The following TLN2 variants were observed in gnomAD, a reference collection of about 807,000 sequenced individuals.
TLN2 encodes talin-2.
TLN2 carries 118 observed loss-of-function variants against 294.7 expected under a neutral mutation model. The ratio of observed to expected loss-of-function variants is 0.40; its 90% confidence interval spans 0.34 to 0.47. The LOEUF is 0.47. Ranked by LOEUF, TLN2 falls within the 20% of genes least tolerant of loss-of-function variation. The pLI, the probability that TLN2 is intolerant of heterozygous loss-of-function variation, is 0.84. For synonymous variants in TLN2, 1,431 were observed against 1,304.5 expected, an observed-to-expected ratio of 1.10 and a Z score of -2.09; for missense variants, 3,083 against 3,282.2, an observed-to-expected ratio of 0.94 and a Z score of 1.48.
rs747751029 is a variant in TLN2 at position 62,762,344 on chromosome 15, A to G, written c.4852A>G (p.Thr1618Ala). 4.7e-5 allele frequency: 76 copies of G among 1,613,998 alleles called. No homozygotes were observed. In the South Asian group the frequency reaches 8.2e-4, roughly 17 times the overall value. ...MLESSSYLIR[T>A]ARSLAINPKD... is the part of the protein sequence containing the mutation. ...GGAGAGTTCATCGTACCTCATTCGCACTGCACGCTCTCTGGCCATCAACCC... is the reference window on the plus strand; with the variant it reads ...GGAGAGTTCATCGTACCTCATTCGCGCTGCACGCTCTCTGGCCATCAACCC... Residue 1618 changes from threonine to alanine, a missense_variant, in exon 39 of 59, where the codon ACT becomes GCT. Transcript: ENST00000636159.
intron 9 of TLN2, chr15:62,658,112 G>A: frequency 2.7e-6 from 1 of 374,254 alleles, no homozygotes; most frequent in South Asian, 4.2e-5. Flanking sequence ...GAAATTCAGT[G>A]ATCTGTGTCC....
At chr15:62,450,575 CTGTGTGTG>C (rs1014388992) in intron 1 of TLN2, among the ~76,000 whole-genome samples, 7 of 98,020 alleles carry the variant, frequency 7.1e-5, no homozygotes, top group African/African-American at 2.4e-4. Flanking sequence ...GTGTGTGTGT[CTGTGTGTG>C]TGTGTGTTTG....
At chr15:62,560,752 GCA>G (rs200119713) in intron 1 of TLN2, among the ~76,000 whole-genome samples, 1 of 152,188 alleles carries the variant, frequency 6.6e-6, no homozygotes, top group Middle Eastern at 3.2e-3. Flanking sequence ...GCCCTTCTTT[GCA>G]GGGTGGACTC....
At chr15:62,724,377 A>G (rs1322246799) in intron 26 of TLN2, among the ~76,000 whole-genome samples, 1 of 152,236 alleles carries the variant, frequency 6.6e-6, no homozygotes, top group Non-Finnish European at 1.5e-5. Flanking sequence ...ACACGTTTAT[A>G]TAATTATATG....
At chr15:62,757,194 C>G (rs1335027837) in intron 37 of TLN2, among the ~76,000 whole-genome samples, 1 of 152,196 alleles carries the variant, frequency 6.6e-6, no homozygotes. Context: ...GTGACCCAGC[C>G]AGGAAGTGGT....
chr15:62,726,014 A>C (rs571167943), intron 27 of TLN2, among the ~76,000 whole-genome samples: 1 of 152,318 alleles, frequency 6.6e-6, no homozygotes, highest in Non-Finnish European at 1.5e-5. Context: ...AGAGAGGTTA[A>C]GTCACTTAAC....
intron 2 of TLN2, among the ~76,000 whole-genome samples, chr15:62,610,554 G>T (rs988148653): frequency 2.6e-5 from 4 of 152,176 alleles, no homozygotes; most frequent in Admixed American, 2.0e-4. Flanking sequence ...TCGGCACTAT[G>T]TTTAGGGGCC....
At chr15:62,677,040 A>G (rs1396443298) in intron 11 of TLN2, among the ~76,000 whole-genome samples, 4 of 152,166 alleles carry the variant, frequency 2.6e-5, no homozygotes, top group African/African-American at 7.2e-5. Context: ...GGTGTTCCCA[A>G]CCTCTAGCTG....
chr15:62,792,562 GA>G, intron 45 of TLN2, 78 bp from the exon 46 acceptor site: 1 of 1,560,964 alleles, frequency 6.4e-7, no homozygotes, highest in South Asian at 1.2e-5. Context: ...GGACATAGGA[GA>G]AATTTTCCAC....
intron 22 of TLN2, among the ~76,000 whole-genome samples, chr15:62,713,897 CATATAT>C (rs34783254): frequency 1.7e-5 from 2 of 119,154 alleles, no homozygotes; most frequent in Non-Finnish European, 1.9e-5. Flanking sequence ...TTCTTTAAGC[CATATAT>C]ATATATATAT....
chr15:62,390,573 G>GGCGGCAGCGGCTGAGGCGGCT lies in TLN2; in HGVS notation c.-345_-325dup, dbSNP rs1555400830. 1.3e-5 allele frequency: 2 copies of GGCGGCAGCGGCTGAGGCGGCT among 152,170 alleles called. No individual in the cohort carries two copies. Among genetic ancestry groups the GGCGGCAGCGGCTGAGGCGGCT allele is most frequent in the African/African-American group, 4.8e-5 (2 of 41,404 alleles). The allele number at this position is 152,170 out of a possible 1,614,324, so 9.4% of individuals were successfully genotyped here. A position where few individuals can be genotyped will look rare whatever the true frequency, so the allele number is the denominator to read the frequency against. On this transcript the variant is annotated 5_prime_UTR_variant, in exon 1 of 59. Transcript: ENST00000636159. ...TTGTTCCGCGCCCGGAGCCAGCGGCGGCGGCAGCGGCTGAGGCGGCTGCGG... is the reference window on the plus strand; with the variant it reads ...TTGTTCCGCGCCCGGAGCCAGCGGCGGCGGCAGCGGCTGAGGCGGCTGCGGCAGCGGCTGAGGCGGCTGCGG...
intron 7 of TLN2, 68 bp downstream of exon 7, chr15:62,653,382 A>G (rs2052821273): frequency 3.9e-6 from 6 of 1,528,218 alleles, no homozygotes; most frequent in Non-Finnish European, 5.3e-6. Context: ...CCCTCCCACC[A>G]TCCATATGAC....
intron 44 of TLN2, 30 bp from the exon 45 acceptor site, chr15:62,783,741 G>C (rs756529285): frequency 3.0e-5 from 47 of 1,556,130 alleles, no homozygotes; most frequent in Non-Finnish European, 4.0e-5. Flanking sequence ...GTGTGTGTGT[G>C]TGTGTGTCTT....
At chr15:62,605,139 G>A (rs2047325720) in intron 2 of TLN2, among the ~76,000 whole-genome samples, 1 of 152,188 alleles carries the variant, frequency 6.6e-6, no homozygotes, top group Admixed American at 6.5e-5. Context: ...ATGCAGACAA[G>A]GAGCTGAATA....
chr15:62,471,859 ATCAG>A lies in TLN2; in HGVS notation c.-238+81183_-238+81186del, dbSNP rs371078226. Among the ~76,000 whole-genome samples, 42 of 150,624 alleles carry A rather than the reference ATCAG, an allele frequency of 2.8e-4. 1 individual carries two copies. The East Asian group carries it at 5.7e-3, about 21-fold the overall frequency. On this transcript the variant is annotated intron_variant, in intron 1 of 58. Coordinates refer to ENST00000636159, the MANE Select transcript of TLN2 (RefSeq NM_015059.3). ...GCAGGTGCACAGCCCAGCCTCCCTC[ATCAG>A]TCAGTCAGATGGCAGCAGGAGGATG... is the stretch of plus-strand genomic sequence containing the variant.
At chr15:62,504,043 G>A (rs1036470720) in intron 1 of TLN2, among the ~76,000 whole-genome samples, 1 of 152,176 alleles carries the variant, frequency 6.6e-6, no homozygotes, top group Non-Finnish European at 1.5e-5. Flanking sequence ...TGCATGTAAG[G>A]TTCATGAAAG....
chr15:62,535,140 C>T (rs973243637), intron 1 of TLN2, among the ~76,000 whole-genome samples: 2 of 152,174 alleles, frequency 1.3e-5, no homozygotes, highest in African/African-American at 4.8e-5. Context: ...TTGGGAGCCA[C>T]ATTCCTTTGT....
chr15:62,600,694 G>A (rs2046921272), intron 2 of TLN2, among the ~76,000 whole-genome samples: 1 of 152,200 alleles, frequency 6.6e-6, no homozygotes, highest in Non-Finnish European at 1.5e-5. Context: ...CAAAAGTGAA[G>A]AGAATTTTAT....
intron 31 of TLN2, chr15:62,740,349 C>T: frequency 3.1e-6 from 1 of 325,938 alleles, no homozygotes; most frequent in Non-Finnish European, 5.7e-6. Context: ...ACCCTGCTCC[C>T]CGCTTAATGC....
Sources: allele counts gnomAD v4.1 joint callset (sites outside exome capture counted in the v4.1 genomes callset), GRCh38; gene constraint gnomAD v4.1.1; transcripts MANE v1.5; gene names NCBI Gene and HGNC (gene_info 2026-07-23, HGNC 2026-07-21).